Variants in ZNF831 observed in about 807,000 individuals in gnomAD.
ZNF831 encodes chromosome 20 open reading frame 174.
In ZNF831, 59 loss-of-function variants were observed where a neutral mutation model predicts 95.8. The observed-to-expected ratio is 0.62, with a 90% CI of 0.50 to 0.77. The LOEUF is 0.77. ZNF831 is among the 30% of genes least tolerant of loss of function. The pLI is 0.00. For synonymous variants in ZNF831, 961 were observed against 925.5 expected (o/e 1.04, Z -0.70); for missense variants, 2,205 against 2,164.0 (o/e 1.02, Z -0.38).
intron 1 of ZNF831, among the ~76,000 whole-genome samples, chr20:59,170,635 A>C (rs1981654627): frequency 6.6e-6 from 1 of 152,198 alleles, no homozygotes; most frequent in Non-Finnish European, 1.5e-5. Context: ...AGCTGATGAT[A>C]AGAATTACTA....
intron 4 of ZNF831, among the ~76,000 whole-genome samples, chr20:59,237,507 C>G (rs1370435313): frequency 6.6e-6 from 1 of 152,098 alleles, no homozygotes; most frequent in East Asian, 1.9e-4. Flanking sequence ...CCACCACACC[C>G]GGCTAATTTT....
chr20:59,216,868 G>C (rs1165934137), intron 4 of ZNF831, among the ~76,000 whole-genome samples: 1 of 151,936 alleles, frequency 6.6e-6, no homozygotes, highest in African/African-American at 2.4e-5. Flanking sequence ...ACACAGAGTG[G>C]AGCAAGAATT....
chr20:59,134,690 G>A lies in ZNF831; in HGVS notation c.-1425+11185G>A, dbSNP rs186844038. 4.6e-5 allele frequency among the ~76,000 whole-genome samples: 7 copies of A among 152,318 alleles called. No homozygotes were observed. The East Asian group carries it at 1.2e-3, about 25-fold the overall frequency. The stretch of plus-strand genomic sequence containing the variant: ...GCTTGGCTCCCCATAGACTGGCTGC[G>A]TGGTCCTTCTGTTCCCAACCTCTCT... On this transcript the variant is annotated intron_variant, in intron 1 of 7. Coordinates refer to the ZNF831 transcript ENST00000637017.
At chr20:59,189,879 T>C (rs1393287589) in intron 1 of ZNF831, among the ~76,000 whole-genome samples, 1 of 152,208 alleles carries the variant, frequency 6.6e-6, no homozygotes, top group Admixed American at 6.5e-5. Context: ...GGTTGTTTTC[T>C]TGGGGAACGG....
intron 1 of ZNF831, among the ~76,000 whole-genome samples, chr20:59,136,954 G>A (rs962302475): frequency 6.6e-5 from 10 of 152,188 alleles, no homozygotes; most frequent in Non-Finnish European, 1.3e-4. Context: ...TTAAAGGGAA[G>A]GGGTGCATCC....
rs114456628 is a variant in ZNF831 at position 59,231,008 on chromosome 20, A to G, written c.4028-21970A>G. The stretch of plus-strand genomic sequence containing the variant: ...TCTCTTCACCATAGGTTTTCCCCTT[A>G]TTTTTTTGTGGTCAAGGATGGCTGC... On this transcript the variant is annotated intron_variant, in intron 4 of 5. Transcript: ENST00000371030. Among the ~76,000 whole-genome samples the G allele has an allele frequency of 5.3e-3, 812 of 152,092 alleles. 9 individuals are homozygous for G. The highest frequency in any genetic ancestry group is 0.018 in the African/African-American group (756 of 41,494).
intron 1 of ZNF831, among the ~76,000 whole-genome samples, chr20:59,140,245 G>C (rs1052261930): frequency 1.3e-5 from 2 of 152,132 alleles, no homozygotes; most frequent in African/African-American, 4.8e-5. Flanking sequence ...GTTTAACAAG[G>C]CCTCTGGCCA....
chr20:59,212,205 T>A (rs917155749), intron 4 of ZNF831, among the ~76,000 whole-genome samples: 2 of 152,154 alleles, frequency 1.3e-5, no homozygotes, highest in African/African-American at 4.8e-5. Context: ...AAAATATTTT[T>A]AAAAAAGATG....
chr20:59,134,178 C>T (rs1979434255), intron 1 of ZNF831, among the ~76,000 whole-genome samples: 1 of 152,222 alleles, frequency 6.6e-6, no homozygotes, highest in Admixed American at 6.5e-5. Context: ...AAAGCAGTGG[C>T]TGTAGCAGCC....
intron 4 of ZNF831, among the ~76,000 whole-genome samples, chr20:59,233,841 A>G (rs1030973389): frequency 1.3e-5 from 2 of 152,188 alleles, no homozygotes; most frequent in African/African-American, 4.8e-5. Flanking sequence ...CTGATCTGAC[A>G]ATTGCATGCC....
chr20:59,194,318 A>G lies in ZNF831; in HGVS notation c.3299A>G (p.Asn1100Ser), dbSNP rs1238249195. The G allele has an allele frequency of 1.9e-6, 3 of 1,613,724 alleles. No individual in the cohort carries two copies. The highest frequency in any genetic ancestry group is 1.7e-5 in the Admixed American group (1 of 60,000). The change falls in exon 2 of 6, where the codon AAC (asparagine) becomes AGC (serine). Residue 1100 changes from asparagine (N) to serine (S), a missense_variant. Transcript: ENST00000371030. ...SGDVLNPWVP[N>S]WELGEPPGNA... is the part of the protein sequence containing the mutation. ...GATGTCCTGAATCCCTGGGTACCCA[A>G]CTGGGAGCTGGGGGAGCCTCCTGGG...
At chr20:59,156,399 G>A (rs1035549174) in intron 2 of ZNF831, among the ~76,000 whole-genome samples, 6 of 152,220 alleles carry the variant, frequency 3.9e-5, no homozygotes, top group African/African-American at 1.4e-4. Context: ...GGTGGTGGGA[G>A]CCTGTAAACC....
In ZNF831 at chr20:59,192,344, T is replaced by C. The variant is rs1319017260; in HGVS notation, c.1325T>C (p.Leu442Pro). ...CTGTCCAAACAGGGCAGCATCGACC[T>C]GCCCACGCCCTACACCTACAAGGAC... is the stretch of plus-strand genomic sequence containing the variant. ...TGLSKQGSID[L>P]PTPYTYKDSF... Residue 442 changes from leucine (L) to proline (P), a missense_variant, in exon 2 of 6, where the codon CTG (leucine) becomes CCG (proline). Coordinates refer to ENST00000371030, the MANE Select transcript of ZNF831 (RefSeq NM_178457.3). The surrounding 1 kb of genome is among the most constrained non-coding windows in gnomAD (Gnocchi z 5.2). 1 of 1,607,990 alleles carries C rather than the reference T, an allele frequency of 6.2e-7. No individual in the cohort carries two copies. The highest frequency in any genetic ancestry group is 8.5e-7 in the Non-Finnish European group (1 of 1,177,614).
Position 59,128,793 on chromosome 20 carries a change from G to A in ZNF831, c.-1425+5288G>A, listed in dbSNP as rs1235866490. Among the ~76,000 whole-genome samples the A allele has an allele frequency of 2.0e-5, 3 of 152,132 alleles. No homozygotes were observed. The East Asian group carries it at 5.8e-4, about 29-fold the overall frequency. On this transcript the variant is annotated intron_variant, in intron 1 of 7. Transcript: ENST00000637017. ...ATTTATTTATTTGAGATGGAGTCTC[G>A]CTCTGTCCCCCAGGCTGGAGTGCAG...
chr20:59,178,308 C>T (rs1483110759), intron 1 of ZNF831, among the ~76,000 whole-genome samples: 1 of 152,200 alleles, frequency 6.6e-6, no homozygotes, highest in African/African-American at 2.4e-5. Flanking sequence ...GCTGTATAAA[C>T]CTTTGGGAAT....
chr20:59,209,443 A>G (rs1265209903), intron 4 of ZNF831, among the ~76,000 whole-genome samples: 1 of 152,200 alleles, frequency 6.6e-6, no homozygotes, highest in Non-Finnish European at 1.5e-5. Context: ...GAGAACAGAC[A>G]GAGACTTTCT....
At chr20:59,187,484 C>T (rs1429807255) in intron 1 of ZNF831, among the ~76,000 whole-genome samples, 1 of 152,098 alleles carries the variant, frequency 6.6e-6, no homozygotes, top group East Asian at 1.9e-4. Flanking sequence ...TTCCCGTCTC[C>T]AGAGCTGTGT....
intron 1 of ZNF831, among the ~76,000 whole-genome samples, chr20:59,124,188 C>A (rs747739040): frequency 6.6e-6 from 1 of 151,940 alleles, no homozygotes; most frequent in Non-Finnish European, 1.5e-5. Context: ...CGGTTCTGAA[C>A]GGGAGGAGGA....
At chr20:59,145,405 T>C (rs373118413) in intron 1 of ZNF831, among the ~76,000 whole-genome samples, 1 of 152,356 alleles carries the variant, frequency 6.6e-6, no homozygotes, top group East Asian at 1.9e-4. Context: ...GATTCTTTAT[T>C]GCAGGACTTC....
Sources: gnomAD v4.1 joint callset for allele counts (sites outside exome capture counted in the v4.1 genomes callset) on GRCh38, gnomAD v4.1.1 for gene constraint, Gnocchi (gnomAD v3.1) non-coding constraint, MANE v1.5 for transcripts, NCBI Gene and HGNC (gene_info 2026-07-23, HGNC 2026-07-21) for gene names.